Variants in EIF3H observed in about 807,000 individuals in gnomAD.
EIF3H encodes eukaryotic translation initiation factor 3 subunit H, also known as eIF-3-gamma.
A neutral mutation model predicts 44.2 loss-of-function variants in EIF3H; 26 were observed. That is an observed-to-expected ratio of 0.59 (90% CI 0.43 to 0.82). The LOEUF is 0.82. EIF3H is among the 40% of genes least tolerant of loss of function. EIF3H has a pLI of 0.00. For missense variants in EIF3H, 359 were observed against 432.8 expected (o/e 0.83, Z 1.51); for synonymous variants, 166 against 151.9 (o/e 1.09, Z -0.68).
intron 2 of EIF3H, among the ~76,000 whole-genome samples, chr8:116,667,782 G>A (rs545463790): frequency 2.0e-4 from 30 of 152,250 alleles, no homozygotes; most frequent in Admixed American, 6.5e-4. Context: ...ATGCTATAGT[G>A]ACCTCATCTT....
intron 2 of EIF3H, among the ~76,000 whole-genome samples, chr8:116,662,509 G>A (rs902780761): frequency 6.6e-6 from 1 of 152,154 alleles, no homozygotes; most frequent in African/African-American, 2.4e-5. Flanking sequence ...TTTATTATAA[G>A]CCAAGGAACA....
At chr8:116,714,172 G>C (rs1052307205) in intron 2 of EIF3H, among the ~76,000 whole-genome samples, 2 of 152,026 alleles carry the variant, frequency 1.3e-5, no homozygotes, top group African/African-American at 4.8e-5. Flanking sequence ...GATTTCTAGA[G>C]GTGTGTGTGC....
intron 7 of EIF3H, 35 bp downstream of exon 7, chr8:116,646,436 C>A: frequency 6.2e-7 from 1 of 1,613,844 alleles, no homozygotes; most frequent in Non-Finnish European, 8.5e-7. Flanking sequence ...AAGAAACGAA[C>A]AAAACCAGCC....
chr8:116,749,325 G>C (rs1815289944), intron 1 of EIF3H, among the ~76,000 whole-genome samples: 1 of 152,296 alleles, frequency 6.6e-6, no homozygotes, highest in Admixed American at 6.5e-5. Context: ...GAAAGGAAGA[G>C]AGCAAGCTTC....
intron 1 of EIF3H, among the ~76,000 whole-genome samples, chr8:116,751,186 TGGGCGACAGAGC>T (rs879891441): frequency 1.3e-5 from 2 of 150,702 alleles, no homozygotes; most frequent in Non-Finnish European, 2.9e-5. Context: ...CACTCCAGCC[TGGGCGACAGAGC>T]GAGACTCCGT....
chr8:116,654,939 T>A (rs1813464348), intron 5 of EIF3H, among the ~76,000 whole-genome samples: 1 of 151,590 alleles, frequency 6.6e-6, no homozygotes, highest in Admixed American at 6.6e-5. Flanking sequence ...CTATCTAAGA[T>A]AACTAGAAAT....
chr8:116,725,493 T>C (rs1814819922), intron 2 of EIF3H, among the ~76,000 whole-genome samples: 1 of 152,212 alleles, frequency 6.6e-6, no homozygotes, highest in Admixed American at 6.5e-5. Flanking sequence ...TAAAAAATCT[T>C]CTAGATGCTG....
intron 1 of EIF3H, among the ~76,000 whole-genome samples, chr8:116,729,666 A>C (rs79849348): frequency 0.013 from 1,915 of 152,334 alleles, 13 homozygotes; most frequent in African/African-American, 0.022. Context: ...CACAAAAAAC[A>C]ATCAGTATGA....
At chr8:116,646,367 A>G in intron 7 of EIF3H, 104 bp downstream of exon 7, 10 of 1,524,414 alleles carry the variant, frequency 6.6e-6, no homozygotes, top group Non-Finnish European at 9.0e-6. Flanking sequence ...TATTTCAAAC[A>G]TACTAGCTTT....
At chr8:116,678,603 GC>G (rs1390965661) in intron 2 of EIF3H, among the ~76,000 whole-genome samples, 1 of 150,016 alleles carries the variant, frequency 6.7e-6, no homozygotes, top group East Asian at 2.0e-4. Flanking sequence ...TCTCTGCCCG[GC>G]CGCCCATCGT....
chr8:116,697,370 A>C (rs2130872888), intron 2 of EIF3H: 2 of 365,212 alleles, frequency 5.5e-6, no homozygotes, highest in Non-Finnish European at 1.1e-5. Flanking sequence ...TCACCAACCC[A>C]ATTGCTGGTC....
chr8:116,703,353 AAGGGAGTCTCCCT>A (rs1460423549), intron 2 of EIF3H, among the ~76,000 whole-genome samples: 9 of 106,340 alleles, frequency 8.5e-5, no homozygotes, highest in African/African-American at 4.8e-4. Context: ...CAGACCGGGA[AAGGGAGTCTCCCT>A]TTCCCCGGGG....
intron 2 of EIF3H, among the ~76,000 whole-genome samples, chr8:116,689,990 G>A (rs1477048634): frequency 5.9e-5 from 9 of 152,040 alleles, no homozygotes; most frequent in African/African-American, 7.2e-5. Context: ...TAACATATTC[G>A]TATCTATAAT....
intron 2 of EIF3H, among the ~76,000 whole-genome samples, chr8:116,711,850 G>C (rs1056378826): frequency 6.6e-6 from 1 of 152,200 alleles, no homozygotes; most frequent in African/African-American, 2.4e-5. Flanking sequence ...TGCTTCTCAT[G>C]TTCAAGTCAA....
At chr8:116,682,737 G>T (rs1447830677) in intron 2 of EIF3H, among the ~76,000 whole-genome samples, 1 of 152,152 alleles carries the variant, frequency 6.6e-6, no homozygotes, top group Non-Finnish European at 1.5e-5. Flanking sequence ...AGAATGTTTG[G>T]TTTATTGAGG....
intron 5 of EIF3H, among the ~76,000 whole-genome samples, chr8:116,653,371 A>ACACACACACACACACACT (rs59686939): frequency 6.6e-6 from 1 of 151,720 alleles, no homozygotes; most frequent in African/African-American, 2.4e-5. Context: ...ACACACACAC[A>ACACACACACACACACACT]ATCTGTGTAC....
In EIF3H at chr8:116,655,829, G is replaced by A. The variant is rs1813478899; in HGVS notation, c.707+27C>T. The stretch of plus-strand genomic sequence containing the variant: ...CTTTTGCAAAAAGTTCTAAAACATG[G>A]GCTTTTCATTAGGCAGGGCCACTTA... On this transcript the variant is annotated intron_variant, in intron 5 of 7. Transcript: ENST00000521861. 3.1e-6 allele frequency: 5 copies of A among 1,608,592 alleles called. No homozygotes were observed. In the East Asian group the frequency reaches 8.9e-5, roughly 29 times the overall value.
intron 2 of EIF3H, among the ~76,000 whole-genome samples, chr8:116,666,339 G>A: frequency 6.6e-6 from 1 of 152,080 alleles, no homozygotes; most frequent in East Asian, 1.9e-4. Context: ...ACAATTATTA[G>A]AAATCAGGTA....
At chr8:116,696,266 G>A (rs1814267464) in intron 2 of EIF3H, among the ~76,000 whole-genome samples, 1 of 152,166 alleles carries the variant, frequency 6.6e-6, no homozygotes, top group African/African-American at 2.4e-5. Context: ...CATTGCAAAA[G>A]GGCACAAGCT....
Sources: gnomAD v4.1 joint callset for allele counts (sites outside exome capture counted in the v4.1 genomes callset) on GRCh38, gnomAD v4.1.1 for gene constraint, MANE v1.5 for transcripts, NCBI Gene and HGNC (gene_info 2026-07-23, HGNC 2026-07-21) for gene names.